Variants in SPSB4 observed in about 807,000 individuals in gnomAD.
The protein encoded by SPSB4 is SPRY domain-containing SOCS box protein 4.
SPSB4 carries 21 observed loss-of-function variants against 20.9 expected under a neutral mutation model. The ratio of observed to expected loss-of-function variants is 1.01; its 90% CI spans 0.71 to 1.45. The LOEUF is 1.45. Ranked by LOEUF, SPSB4 falls within the 40% of genes most tolerant of loss-of-function variation. The pLI is 0.00. For missense variants in SPSB4, 399 were observed against 399.2 expected, an observed-to-expected ratio of 1.00 and a Z score of 0.00; for synonymous variants, 207 against 183.8, an observed-to-expected ratio of 1.13 and a Z score of -1.02.
chr3:141,084,169 G>A (rs1382632159), intron 2 of SPSB4, among the ~76,000 whole-genome samples: 1 of 152,208 alleles, frequency 6.6e-6, no homozygotes, highest in Non-Finnish European at 1.5e-5. Context: ...GGAGACAGTA[G>A]GCACACGATA....
At chr3:141,127,571 C>CT (rs1241215728) in intron 2 of SPSB4, among the ~76,000 whole-genome samples, 3 of 150,168 alleles carry the variant, frequency 2.0e-5, no homozygotes, top group African/African-American at 7.6e-5. Flanking sequence ...TTTTCATGTG[C>CT]ATTTTTTTTT....
intron 2 of SPSB4, among the ~76,000 whole-genome samples, chr3:141,134,492 C>A (rs1342335048): frequency 6.6e-6 from 1 of 152,108 alleles, no homozygotes; most frequent in African/African-American, 2.4e-5. Flanking sequence ...AGATATGTCC[C>A]TTCTATGCCA....
chr3:141,147,506 C>G lies in SPSB4; in HGVS notation c.*237C>G, dbSNP rs143616000. The G allele has an allele frequency of 2.0e-3, 1,151 of 569,954 alleles. 12 individuals are homozygous for G. The highest frequency in any genetic ancestry group is 0.02 in the African/African-American group (1,046 of 53,610). The allele number at this position is 569,954 out of a possible 1,614,324, so 35.3% of individuals were successfully genotyped here. On this transcript the variant is annotated 3_prime_UTR_variant, in exon 3 of 3. Coordinates refer to ENST00000310546, the MANE Select transcript of SPSB4 (RefSeq NM_080862.3). ...AAGTCAGACACCTCCTTCGGAGCCA[C>G]AGAGAGCCTGGAGTCTGCACCTCCT...
chr3:141,123,787 G>C (rs766968166), intron 2 of SPSB4, among the ~76,000 whole-genome samples: 2 of 152,212 alleles, frequency 1.3e-5, no homozygotes, highest in Non-Finnish European at 2.9e-5. Flanking sequence ...AAGATCCGTG[G>C]AGCAGGGTGC....
At chr3:141,098,048 C>T (rs1188756834) in intron 2 of SPSB4, among the ~76,000 whole-genome samples, 1 of 152,208 alleles carries the variant, frequency 6.6e-6, no homozygotes, top group Non-Finnish European at 1.5e-5. Flanking sequence ...GTTCTCAAAT[C>T]CATGCCCTTT....
chr3:141,141,889 A>G (rs1297807229), intron 2 of SPSB4, among the ~76,000 whole-genome samples: 1 of 152,064 alleles, frequency 6.6e-6, no homozygotes, highest in African/African-American at 2.4e-5. Flanking sequence ...ATCAGTTGTA[A>G]TATCTCCTGT....
At chr3:141,140,861 A>G (rs919016574) in intron 2 of SPSB4, among the ~76,000 whole-genome samples, 20 of 152,240 alleles carry the variant, frequency 1.3e-4, no homozygotes, top group Admixed American at 9.2e-4. Flanking sequence ...CAAAGCTGTC[A>G]GACAGGGACA....
intron 2 of SPSB4, among the ~76,000 whole-genome samples, chr3:141,138,488 C>G (rs981866856): frequency 6.6e-6 from 1 of 152,140 alleles, no homozygotes; most frequent in Non-Finnish European, 1.5e-5. Context: ...ATAAGTTTCC[C>G]TCTACACACT....
intron 2 of SPSB4, among the ~76,000 whole-genome samples, chr3:141,143,566 T>A (rs1158549859): frequency 6.6e-6 from 1 of 152,182 alleles, no homozygotes; most frequent in African/African-American, 2.4e-5. Flanking sequence ...GTTATAGATG[T>A]TTAGTGTGCT....
In SPSB4 at chr3:141,147,148, C is replaced by A. The variant is rs750087615; in HGVS notation, c.701C>A (p.Pro234His). Residue 234 changes from proline to histidine, a missense_variant, in exon 3 of 3, where the codon CCC (proline) becomes CAC (histidine). Coordinates refer to ENST00000310546, the MANE Select transcript of SPSB4 (RefSeq NM_080862.3). ...TGCTTCCCTCTCATTGCAGCCGAGC[C>A]CCTGCCACTGATGGACCTGTGCCGG... ...MRYINGLDPE[P>H]LPLMDLCRRS... 6.2e-7 allele frequency: 1 copy of A among 1,614,086 alleles called. No homozygotes were observed. The highest frequency in any genetic ancestry group is 1.7e-5 in the Admixed American group (1 of 60,030).
chr3:141,108,187 C>G (rs1938730124), intron 2 of SPSB4, among the ~76,000 whole-genome samples: 2 of 152,034 alleles, frequency 1.3e-5, no homozygotes, highest in East Asian at 1.9e-4. Flanking sequence ...CCTGGCAACC[C>G]CTTCTCGTGG....
intron 2 of SPSB4, among the ~76,000 whole-genome samples, chr3:141,102,185 T>C (rs772980011): frequency 6.6e-6 from 1 of 152,100 alleles, no homozygotes; most frequent in Non-Finnish European, 1.5e-5. Flanking sequence ...GGCAGCTCAG[T>C]GTGGATAGAG....
At chr3:141,067,714 T>G (rs557910494) in intron 2 of SPSB4, among the ~76,000 whole-genome samples, 1 of 152,208 alleles carries the variant, frequency 6.6e-6, no homozygotes, top group African/African-American at 2.4e-5. Context: ...CGTGGCTGCC[T>G]GTCCTGAGTT....
intron 2 of SPSB4, among the ~76,000 whole-genome samples, chr3:141,081,187 G>A (rs1257054539): frequency 2.0e-5 from 3 of 152,182 alleles, no homozygotes; most frequent in Admixed American, 6.5e-5. Context: ...AACCATATGT[G>A]GTCGTTTAAT....
intron 2 of SPSB4, among the ~76,000 whole-genome samples, chr3:141,123,639 T>C (rs1939005705): frequency 6.6e-6 from 1 of 152,224 alleles, no homozygotes; most frequent in Non-Finnish European, 1.5e-5. Context: ...CTGGATGAAA[T>C]TAGCACCAAC....
intron 2 of SPSB4, among the ~76,000 whole-genome samples, chr3:141,134,966 G>C (rs536649370): frequency 6.6e-6 from 1 of 150,704 alleles, no homozygotes; most frequent in African/African-American, 2.4e-5. Flanking sequence ...TAAGCATACT[G>C]TTCAGTGAAT....
At chr3:141,056,555 T>C (rs1233932275) in intron 1 of SPSB4, among the ~76,000 whole-genome samples, 6 of 152,256 alleles carry the variant, frequency 3.9e-5, no homozygotes, top group Non-Finnish European at 8.8e-5. Flanking sequence ...ATAGTTCTGC[T>C]TTTCTTTTAG....
At chr3:141,117,343 CT>C (rs1938893755) in intron 2 of SPSB4, among the ~76,000 whole-genome samples, 1 of 152,176 alleles carries the variant, frequency 6.6e-6, no homozygotes, top group Non-Finnish European at 1.5e-5. Flanking sequence ...CTGCTGTTTC[CT>C]TCCAGCTCTG....
At chr3:141,146,062 A>T (rs2107809955) in intron 2 of SPSB4, among the ~76,000 whole-genome samples, 1 of 152,228 alleles carries the variant, frequency 6.6e-6, no homozygotes, top group East Asian at 1.9e-4. Context: ...AAAATCCCAG[A>T]TCATGAGCCT....
Sources: allele counts gnomAD v4.1 joint callset (sites outside exome capture counted in the v4.1 genomes callset), GRCh38; gene constraint gnomAD v4.1.1; transcripts MANE v1.5; gene names NCBI Gene and HGNC (gene_info 2026-07-23, HGNC 2026-07-21).